The following SPAM1 variants were observed in gnomAD, a reference collection of about 807,000 sequenced individuals.
The protein encoded by SPAM1 is hyaluronidase PH-20.
In SPAM1, 22 loss-of-function variants were observed where a neutral mutation model predicts 29.6. The ratio of observed to expected loss-of-function variants is 0.74; its 90% confidence interval spans 0.53 to 1.06. The LOEUF is 1.06. SPAM1 is among the 50% of genes least tolerant of loss of function. The pLI is 0.00. For synonymous variants in SPAM1, 194 were observed against 204.6 expected (o/e 0.95, Z 0.44); for missense variants, 534 against 604.0 (o/e 0.88, Z 1.21).
intron 5 of SPAM1, among the ~76,000 whole-genome samples, chr7:123,966,347 C>T (rs551857282): frequency 9.8e-4 from 149 of 151,976 alleles, no homozygotes; most frequent in African/African-American, 3.3e-3. Flanking sequence ...TCAACCACTG[C>T]GAAAGACAAT....
chr7:123,943,243 A>C (rs1466868816), intron 1 of SPAM1, among the ~76,000 whole-genome samples: 2 of 152,138 alleles, frequency 1.3e-5, no homozygotes, highest in African/African-American at 2.4e-5. Flanking sequence ...GAATCTTGGA[A>C]GTTTTCCCTC....
At chr7:123,963,191 C>T (rs1442138866), downstream of SPAM1, among the ~76,000 whole-genome samples, 1 of 151,710 alleles carries the variant, frequency 6.6e-6, no homozygotes, top group Non-Finnish European at 1.5e-5. Context: ...AAATTTTGTT[C>T]CAATTAATGA....
chr7:123,965,442 A>G (rs920840370), intron 5 of SPAM1, among the ~76,000 whole-genome samples: 6 of 152,018 alleles, frequency 3.9e-5, no homozygotes, highest in Admixed American at 6.6e-5. Context: ...TGGGTTTTAC[A>G]TGTAAGTCTT....
At chr7:123,949,308 A>G (rs954608719) in intron 1 of SPAM1, among the ~76,000 whole-genome samples, 1 of 152,146 alleles carries the variant, frequency 6.6e-6, no homozygotes, top group African/African-American at 2.4e-5. Flanking sequence ...GATGAAAGAA[A>G]ATTAGAAGAT....
At chr7:123,936,301 C>T (rs577449333) in intron 1 of SPAM1, among the ~76,000 whole-genome samples, 13 of 152,132 alleles carry the variant, frequency 8.5e-5, no homozygotes, top group East Asian at 3.9e-4. Flanking sequence ...TGGAGGACAA[C>T]GGGCTGGAAG....
At chr7:123,930,888 C>A (rs1307978519) in intron 1 of SPAM1, among the ~76,000 whole-genome samples, 1 of 152,162 alleles carries the variant, frequency 6.6e-6, no homozygotes, top group Non-Finnish European at 1.5e-5. Context: ...ACTCGATCCC[C>A]TGTATGGCCT....
In SPAM1 at chr7:123,970,585, T is replaced by C. The variant is rs191314784; in HGVS notation, c.*48+289T>C. ...GCCTGGACAACACAGTGAGATCCCATCTCTACAAATAATAATAATAATAAT... is the reference window on the plus strand; with the variant it reads ...GCCTGGACAACACAGTGAGATCCCACCTCTACAAATAATAATAATAATAAT... On this transcript the variant is annotated intron_variant, in intron 6 of 6. Transcript: ENST00000340011. Among the ~76,000 whole-genome samples, 302 of 106,732 alleles carry C rather than the reference T, an allele frequency of 2.8e-3. 1 individual carries two copies. The highest frequency in any genetic ancestry group is 0.014 in the Middle Eastern group (3 of 216). 70.0% of individuals were successfully genotyped at this position (106,732 alleles called of 152,430 possible).
chr7:123,936,527 T>C (rs1808248734), intron 1 of SPAM1, among the ~76,000 whole-genome samples: 1 of 152,138 alleles, frequency 6.6e-6, no homozygotes. Context: ...TTAGGGGGAA[T>C]TGCAATCTTA....
intron 4 of SPAM1, among the ~76,000 whole-genome samples, chr7:123,956,430 A>G (rs1792249493): frequency 6.6e-6 from 1 of 151,992 alleles, no homozygotes; most frequent in Non-Finnish European, 1.5e-5. Flanking sequence ...AACTTAAGAA[A>G]CCGATAATTG....
chr7:123,953,768 G>A lies in SPAM1; in HGVS notation c.198G>A (p.Glu66=), dbSNP rs1401409367. 5 of 1,612,744 alleles carry A rather than the reference G, an allele frequency of 3.1e-6. No individual in the cohort carries two copies. The highest frequency in any genetic ancestry group is 1.7e-5 in the Admixed American group (1 of 59,758). ...AATTTTGTCTTGGAAAATTTGATGA[G>A]CCACTAGATATGAGCCTCTTCTCTT... is the stretch of plus-strand genomic sequence containing the variant. The part of the protein sequence containing the change: ...PSEFCLGKFD[E]PLDMSLFSFI... Residue 66 remains glutamate, a synonymous_variant, in exon 3 of 5, where the codon GAG becomes GAA. Coordinates refer to ENST00000682466, the MANE Select transcript of SPAM1 (RefSeq NM_153189.3).
downstream of SPAM1, among the ~76,000 whole-genome samples, chr7:123,962,573 A>G (rs979694586): frequency 6.6e-6 from 1 of 151,888 alleles, no homozygotes; most frequent in Admixed American, 6.6e-5. Context: ...AGTTTTACCC[A>G]TAAAATCTTT....
chr7:123,959,521 T>C lies in SPAM1; in HGVS notation c.1082T>C (p.Ile361Thr), dbSNP rs1394650295. 2.5e-6 allele frequency: 4 copies of C among 1,612,572 alleles called. No individual in the cohort carries two copies. The highest frequency in any genetic ancestry group is 1.1e-5 in the South Asian group (1 of 91,004). The part of the protein sequence containing the change: ...CLLLDNYMET[I>T]LNPYIINVTL... ...CTCCTAGACAATTACATGGAGACTA[T>C]ACTGAATCCTTACATAATCAACGTC... is the stretch of plus-strand genomic sequence containing the variant. Residue 361 changes from isoleucine (I) to threonine (T), a missense_variant, in exon 5 of 5, where the codon ATA becomes ACA. Coordinates refer to ENST00000682466, the MANE Select transcript of SPAM1 (RefSeq NM_153189.3).
chr7:123,943,524 AAC>A (rs1808490508), intron 1 of SPAM1, among the ~76,000 whole-genome samples: 4 of 152,170 alleles, frequency 2.6e-5, no homozygotes, highest in Admixed American at 2.6e-4. Context: ...ACAATTTTGG[AAC>A]ACAAACTAAT....
At chr7:123,927,932 AC>A (rs1563019341) in intron 1 of SPAM1, among the ~76,000 whole-genome samples, 1 of 152,208 alleles carries the variant, frequency 6.6e-6, no homozygotes, top group Non-Finnish European at 1.5e-5. Flanking sequence ...GAGGTTAATT[AC>A]TATAAACCAG....
At chr7:123,951,068 T>C (rs1584956918) in intron 2 of SPAM1, among the ~76,000 whole-genome samples, 2 of 152,154 alleles carry the variant, frequency 1.3e-5, no homozygotes, top group South Asian at 2.1e-4. Context: ...TTTTGAAAAA[T>C]GCCTGTTAGT....
rs556506538 is a variant in SPAM1, at chr7:123,965,193, C to A, written c.1486-5005C>A. 4.6e-5 allele frequency among the ~76,000 whole-genome samples: 7 copies of A among 152,000 alleles called. No homozygotes were observed. In the South Asian group the frequency reaches 1.5e-3, roughly 32 times the overall value. ...TGACTCCCAAGCCTGTGTATTCCAC[C>A]ATTATACAATACTGCTCCTGCAAGG... On this transcript the variant is annotated intron_variant, in intron 5 of 6. Coordinates refer to the SPAM1 transcript ENST00000340011.
At chr7:123,929,021 T>C (rs750164530) in intron 1 of SPAM1, among the ~76,000 whole-genome samples, 2 of 152,176 alleles carry the variant, frequency 1.3e-5, no homozygotes, top group Non-Finnish European at 2.9e-5. Context: ...GCTTCAATCA[T>C]AATGTTGAAG....
chr7:123,944,627 T>G (rs1282580046), intron 1 of SPAM1, among the ~76,000 whole-genome samples: 1 of 152,044 alleles, frequency 6.6e-6, no homozygotes, highest in East Asian at 1.9e-4. Flanking sequence ...CCATAGGAGG[T>G]GCTTCCTGAG....
intron 1 of SPAM1, among the ~76,000 whole-genome samples, chr7:123,937,412 T>C (rs991890518): frequency 3.4e-4 from 51 of 152,000 alleles, no homozygotes; most frequent in Admixed American, 3.1e-3. Flanking sequence ...CCATCCTGGA[T>C]AACATGGTGA....
Sources: allele counts gnomAD v4.1 joint callset (sites outside exome capture counted in the v4.1 genomes callset), GRCh38; gene constraint gnomAD v4.1.1; transcripts MANE v1.5; gene names NCBI Gene and HGNC (gene_info 2026-07-23, HGNC 2026-07-21).